SPPL3: variants seen among roughly 807,000 people sequenced by gnomAD.
SPPL3 encodes the protein signal peptide peptidase-like 3.
In SPPL3, 5 loss-of-function variants were observed where a neutral mutation model predicts 42.4. That is an observed-to-expected ratio of 0.12 (90% confidence interval 0.06 to 0.25). The LOEUF (loss-of-function observed/expected upper bound fraction) is 0.25, where lower values mean the gene tolerates loss of function less well. Among genes scored for constraint, SPPL3 ranks in the 10% least tolerant of loss-of-function variants. SPPL3 has a pLI of 1.00. For synonymous variants in SPPL3, 195 were observed against 181.8 expected (o/e 1.07, Z -0.58); for missense variants, 235 against 489.0 (o/e 0.48, Z 4.90).
At chr12:120,865,881 C>T (rs1226692368) in intron 1 of SPPL3, among the ~76,000 whole-genome samples, 5 of 152,188 alleles carry the variant, frequency 3.3e-5, no homozygotes, top group African/African-American at 1.2e-4. Context: ...TGCTCCCCAT[C>T]GCTCACATTA....
At position 120,827,453 on chromosome 12, in the gene SPPL3, TC is replaced by T. The variant is rs138362200; in HGVS notation, c.24-16568del. On this transcript the variant is annotated intron_variant, in intron 1 of 10. Coordinates refer to ENST00000353487, the MANE Select transcript of SPPL3 (RefSeq NM_139015.5). ...ACAAGCTGTTTACATTTTCCTCATT[TC>T]ATCTTTTCAACTTCTCCCTGAGGAA... 2.5e-3 allele frequency among the ~76,000 whole-genome samples: 384 copies of T among 152,166 alleles called. 1 individual carries two copies. The highest frequency in any genetic ancestry group is 3.7e-3 in the Non-Finnish European group (253 of 68,000).
At position 120,903,880 on chromosome 12, in the gene SPPL3, C is replaced by G; in HGVS notation, c.-13G>C. The G allele has an allele frequency of 6.9e-7, 1 of 1,439,338 alleles. No individual in the cohort carries two copies. 89.2% of individuals were successfully genotyped at this position (1,439,338 alleles called of 1,614,324 possible). A position where few individuals can be genotyped will look rare whatever the true frequency, so the allele number is the denominator to read the frequency against. On this transcript the variant is annotated 5_prime_UTR_variant, in exon 1 of 11. Coordinates refer to ENST00000353487, the MANE Select transcript of SPPL3 (RefSeq NM_139015.5). ...TCTGCTCCGCCATGGCGCTGCCTCT[C>G]GTGGGCTCCGCTGCAGGCTGTGGCC...
intron 3 of SPPL3, among the ~76,000 whole-genome samples, chr12:120,790,823 G>A (rs1030849662): frequency 5.6e-5 from 7 of 124,920 alleles, no homozygotes; most frequent in African/African-American, 2.0e-4. Context: ...CTCTATCTTG[G>A]CACTTTTTTT....
intron 1 of SPPL3, among the ~76,000 whole-genome samples, chr12:120,812,187 T>C (rs1010458380): frequency 6.6e-6 from 1 of 150,842 alleles, no homozygotes; most frequent in East Asian, 1.9e-4. Context: ...CAGTCTGGAG[T>C]GCAGTGGCAT....
intron 5 of SPPL3, 57 bp from the exon 6 acceptor site, chr12:120,782,824 T>C: frequency 2.4e-6 from 3 of 1,273,180 alleles, no homozygotes; most frequent in Non-Finnish European, 3.4e-6. Flanking sequence ...GTAACCAAAT[T>C]CTCCTTTGGT....
intron 1 of SPPL3, among the ~76,000 whole-genome samples, chr12:120,813,823 C>T (rs1203421278): frequency 1.3e-5 from 2 of 152,062 alleles, no homozygotes; most frequent in African/African-American, 4.8e-5. Context: ...CAGAAACTGC[C>T]AACTAATCTC....
At chr12:120,784,241 G>T in intron 4 of SPPL3, 1 of 338,024 alleles carries the variant, frequency 3.0e-6, no homozygotes. Context: ...GCACTTTGAC[G>T]TCTCCAGCCT....
chr12:120,797,315 A>ACTC (rs1870134515), intron 2 of SPPL3, among the ~76,000 whole-genome samples: 1 of 151,436 alleles, frequency 6.6e-6, no homozygotes, highest in East Asian at 1.9e-4. Flanking sequence ...GTCTCTTTGG[A>ACTC]CTCTCAGTTC....
At chr12:120,851,314 T>A (rs1020637540) in intron 1 of SPPL3, among the ~76,000 whole-genome samples, 4 of 152,200 alleles carry the variant, frequency 2.6e-5, no homozygotes, top group Non-Finnish European at 4.4e-5. Context: ...CTTTGGCCTC[T>A]CATTTTCTCA....
At chr12:120,814,047 T>C (rs892864274) in intron 1 of SPPL3, among the ~76,000 whole-genome samples, 1 of 152,128 alleles carries the variant, frequency 6.6e-6, no homozygotes, top group Non-Finnish European at 1.5e-5. Context: ...ATTTAAGATT[T>C]ACTTTAAAAT....
chr12:120,883,327 A>ATT (rs1873351220), intron 1 of SPPL3, among the ~76,000 whole-genome samples: 8 of 152,184 alleles, frequency 5.3e-5, no homozygotes, highest in African/African-American at 1.7e-4. Flanking sequence ...AAACAAACAA[A>ATT]AAACAAACTT....
intron 3 of SPPL3, among the ~76,000 whole-genome samples, chr12:120,790,950 G>C (rs899380438): frequency 6.6e-6 from 1 of 152,064 alleles, no homozygotes; most frequent in Non-Finnish European, 1.5e-5. Context: ...AGCCTCAGTA[G>C]TAGCTGGAAT....
chr12:120,767,419 G>A lies in SPPL3; in HGVS notation c.948C>T (p.His316=). ...SGRMQKVSYF[H]CTLIGYFVGL... is the part of the protein sequence containing the mutation. ...CTACAAAGTATCCGATGAGGGTGCAGTGAAAGTAGGAGACCTTCTGCATGC... is the reference window on the plus strand; with the variant it reads ...CTACAAAGTATCCGATGAGGGTGCAATGAAAGTAGGAGACCTTCTGCATGC... Residue 316 remains histidine (H), a synonymous_variant, in exon 9 of 11, where the codon CAC becomes CAT. Transcript: ENST00000353487. 1.2e-6 allele frequency: 2 copies of A among 1,613,324 alleles called. No homozygotes were observed. Among genetic ancestry groups the A allele is most frequent in the Non-Finnish European group, 1.7e-6 (2 of 1,180,030 alleles).
intron 1 of SPPL3, among the ~76,000 whole-genome samples, chr12:120,900,410 A>C (rs1033211764): frequency 6.6e-6 from 1 of 151,514 alleles, no homozygotes; most frequent in African/African-American, 2.4e-5. Context: ...TGAGTTCAAG[A>C]CCAGCACCGG....
chr12:120,882,110 T>C (rs1873303644), intron 1 of SPPL3, among the ~76,000 whole-genome samples: 1 of 152,110 alleles, frequency 6.6e-6, no homozygotes, highest in Non-Finnish European at 1.5e-5. Flanking sequence ...CTGCCTGGGA[T>C]GTCACTCATC....
At chr12:120,892,295 A>G (rs1453430253) in intron 1 of SPPL3, among the ~76,000 whole-genome samples, 5 of 152,194 alleles carry the variant, frequency 3.3e-5, no homozygotes, top group African/African-American at 4.8e-5. Context: ...GAAGATGGTC[A>G]TATTAAATAC....
At chr12:120,842,835 A>G (rs1871876318) in intron 1 of SPPL3, among the ~76,000 whole-genome samples, 1 of 152,186 alleles carries the variant, frequency 6.6e-6, no homozygotes, top group East Asian at 1.9e-4. Flanking sequence ...GGACACATTC[A>G]GACCACAGCA....
intron 1 of SPPL3, among the ~76,000 whole-genome samples, chr12:120,848,504 T>G (rs1872117904): frequency 6.6e-6 from 1 of 152,206 alleles, no homozygotes; most frequent in South Asian, 2.1e-4. Flanking sequence ...ATTAACAGAA[T>G]GGCAAGGATT....
chr12:120,862,005 G>A (rs1314419816), intron 1 of SPPL3, among the ~76,000 whole-genome samples: 1 of 152,160 alleles, frequency 6.6e-6, no homozygotes, highest in Admixed American at 6.5e-5. Flanking sequence ...AAGTGAACAT[G>A]AATTACAATG....
Sources: allele counts gnomAD v4.1 joint callset (sites outside exome capture counted in the v4.1 genomes callset), GRCh38; gene constraint gnomAD v4.1.1; transcripts MANE v1.5; gene names NCBI Gene and HGNC (gene_info 2026-07-23, HGNC 2026-07-21).